Variants in SLC12A5 observed in about 807,000 individuals in gnomAD.
SLC12A5 encodes solute carrier family 12 member 5, also known as K-Cl cotransporter 2.
A neutral mutation model predicts 124.0 loss-of-function variants in SLC12A5; 18 were observed. That is an observed-to-expected ratio of 0.15 (90% CI 0.10 to 0.22). The LOEUF is 0.22. Ranked by LOEUF, SLC12A5 falls within the 10% of genes least tolerant of loss-of-function variation. The probability of loss-of-function intolerance (pLI) is 1.00; values close to 1 mark genes in which losing one functional copy is unlikely to be tolerated. For synonymous variants in SLC12A5, 589 were observed against 568.0 expected (o/e 1.04, Z -0.53); for missense variants, 867 against 1,478.7 (o/e 0.59, Z 6.78).
chr20:46,047,400 C>T, intron 14 of SLC12A5, 54 bp from the exon 15 acceptor site: 1 of 1,595,370 alleles, frequency 6.3e-7, no homozygotes. Flanking sequence ...TAAGTCCCAG[C>T]TTCAGCAACA....
chr20:46,033,326 T>C (rs1246996710), intron 1 of SLC12A5, among the ~76,000 whole-genome samples: 2 of 151,976 alleles, frequency 1.3e-5, no homozygotes, highest in Non-Finnish European at 1.5e-5. Context: ...GCGGGGAGTT[T>C]CTCCAGTGTC....
At chr20:46,030,072 C>T (rs990306013) in intron 1 of SLC12A5, among the ~76,000 whole-genome samples, 5 of 152,062 alleles carry the variant, frequency 3.3e-5, no homozygotes, top group Non-Finnish European at 7.4e-5. Context: ...CAGACTGAAG[C>T]GTACTTCCTC....
Position 46,045,076 on chromosome 20 carries a change from G to T in SLC12A5, c.1505G>T (p.Ser502Ile). The T allele has an allele frequency of 6.2e-7, 1 of 1,613,282 alleles. No homozygotes were observed. Among genetic ancestry groups the T allele is most frequent in the Non-Finnish European group, 8.5e-7 (1 of 1,179,650 alleles). ...TCCACCTGTGGGGCTGGGCTGCAGA[G>T]CCTCACGGGGGCCCCACGCCTGCTG... Reference protein sequence around the residue: ...FFSTCGAGLQSLTGAPRLLQA... With the variant: ...FFSTCGAGLQILTGAPRLLQA... The change falls in exon 12 of 26, where the codon AGC becomes ATC. Residue 502 changes from serine (S) to isoleucine (I), a missense_variant. Transcript: ENST00000243964. This position sits in a 1 kb window ranked among gnomAD's most constrained non-coding sequence, Gnocchi z 4.9.
At chr20:46,049,580 G>T (rs1437936572) in intron 16 of SLC12A5, 42 bp from the exon 17 acceptor site, 1 of 1,569,350 alleles carries the variant, frequency 6.4e-7, no homozygotes, top group South Asian at 1.2e-5. Flanking sequence ...TGGATGGTTG[G>T]TTACATGGTA....
At chr20:46,046,524 C>T in intron 14 of SLC12A5, 88 bp downstream of exon 14, 1 of 1,168,896 alleles carries the variant, frequency 8.6e-7, no homozygotes, top group Non-Finnish European at 1.3e-6. Context: ...CCCTCTGGGT[C>T]TAAGGACCCC....
At chr20:46,022,999 G>A (rs908298747) in exon 2 of SLC12A5, 5 of 403,426 alleles carry the variant, frequency 1.2e-5, no homozygotes, top group Admixed American at 4.5e-5. Context: ...GGAAGAGGAG[G>A]AGGAAGAGGA....
intron 1 of SLC12A5, among the ~76,000 whole-genome samples, chr20:46,030,801 TC>T (rs1464678935): frequency 1.4e-5 from 2 of 144,716 alleles, no homozygotes; most frequent in African/African-American, 2.6e-5. Context: ...TTTGTCTGAC[TC>T]CCCCCCACCC....
rs1169582631 is a variant in SLC12A5, at chr20:46,056,954, C to T, written c.3125+43C>T. 13 of 1,613,742 alleles carry T rather than the reference C, an allele frequency of 8.1e-6. No individual in the cohort carries two copies. The Admixed American group carries it at 2.2e-4, about 27-fold the overall frequency. On this transcript the variant is annotated intron_variant, in intron 24 of 25. Coordinates refer to ENST00000243964, the MANE Select transcript of SLC12A5 (RefSeq NM_020708.5). The surrounding 1 kb of genome is among the most constrained non-coding windows in gnomAD (Gnocchi z 4.3). ...TTTTCATTCTCTCTCCTAGGATGGCCAGGGTCCCTACCCTCCTCACTCTGT... is the reference window on the plus strand; with the variant it reads ...TTTTCATTCTCTCTCCTAGGATGGCTAGGGTCCCTACCCTCCTCACTCTGT...
chr20:46,047,641 G>A, intron 15 of SLC12A5, 68 bp downstream of exon 15: 1 of 1,565,616 alleles, frequency 6.4e-7, no homozygotes, highest in Non-Finnish European at 8.7e-7. Context: ...GAGAGGGAAG[G>A]GGTCATGAGG....
In SLC12A5 at chr20:46,043,150, C is replaced by T. The variant is rs2084562665; in HGVS notation, c.1067-3C>T. The T allele has an allele frequency of 6.2e-7, 1 of 1,613,214 alleles. No individual in the cohort carries two copies. Among genetic ancestry groups the T allele is most frequent in the Admixed American group, 1.7e-5 (1 of 59,962 alleles). ...TCCCCCTGAGCATTCTGTCTCCCCA[C>T]AGAGAACCTCTGGAGCTCCTACCTG... On this transcript the variant is annotated splice_polypyrimidine_tract_variant and splice_region_variant and intron_variant, in intron 8 of 25. Transcript: ENST00000243964.
At position 46,056,098 on chromosome 20, in the gene SLC12A5, G is replaced by C; in HGVS notation, c.2788-52G>C. 6.2e-7 allele frequency: 1 copy of C among 1,608,200 alleles called. No homozygotes were observed. The highest frequency in any genetic ancestry group is 8.5e-7 in the Non-Finnish European group (1 of 1,177,086). On this transcript the variant is annotated intron_variant, in intron 21 of 25. Coordinates refer to ENST00000243964, the MANE Select transcript of SLC12A5 (RefSeq NM_020708.5). This position sits in a 1 kb window ranked among gnomAD's most constrained non-coding sequence, Gnocchi z 4.3. Reference sequence around the variant, plus strand: ...ATCTCTGGTGATAGCTCTTTGCAGGGCATGGGTGGTGACTCCCAGCAGAGC... The same window carrying C: ...ATCTCTGGTGATAGCTCTTTGCAGGCCATGGGTGGTGACTCCCAGCAGAGC...
upstream of SLC12A5, among the ~76,000 whole-genome samples, chr20:46,028,757 C>A (rs1237209336): frequency 6.6e-6 from 1 of 152,166 alleles, no homozygotes; most frequent in East Asian, 1.9e-4. Flanking sequence ...CCATGGCGCA[C>A]CTCCACGGCC....
At chr20:46,023,703 A>G, downstream of SLC12A5, 1 of 349,300 alleles carries the variant, frequency 2.9e-6, no homozygotes, top group Non-Finnish European at 5.1e-6. Flanking sequence ...CCTTTTCCAA[A>G]AACCTTTTCA....
intron 3 of SLC12A5, 88 bp from the exon 4 acceptor site, chr20:46,035,689 G>A (rs1217732659): frequency 1.3e-6 from 2 of 1,513,818 alleles, no homozygotes; most frequent in Non-Finnish European, 1.8e-6. Context: ...GAAGAGGAAG[G>A]TGGGGGCAGA....
Position 46,056,397 on chromosome 20 carries a change from C to G in SLC12A5, c.2943C>G (p.Ser981Arg), listed in dbSNP as rs2084694184. The G allele has an allele frequency of 6.2e-7, 1 of 1,612,798 alleles. No homozygotes were observed. The highest frequency in any genetic ancestry group is 1.3e-5 in the African/African-American group (1 of 75,032). Reference protein sequence around the residue: ...VQLIHDQSAPSCPSSSPSPGE... With the variant: ...VQLIHDQSAPRCPSSSPSPGE... ...TGATCCACGATCAGAGTGCTCCCAG[C>G]TGCCCCAGCAGCTCCCCGTCCCCAG... is the stretch of plus-strand genomic sequence containing the variant. The change falls in exon 23 of 26, where the codon AGC becomes AGG. Residue 981 changes from serine to arginine, a missense_variant. Physicochemically the swap from Ser to Arg is moderately radical, Grantham distance 110 (BLOSUM62 -1). Transcript: ENST00000243964. This position sits in a 1 kb window ranked among gnomAD's most constrained non-coding sequence, Gnocchi z 4.3.
chr20:46,034,915 G>A (rs745873709), intron 1 of SLC12A5, 33 bp from the exon 2 acceptor site: 22 of 1,602,492 alleles, frequency 1.4e-5, no homozygotes, highest in Middle Eastern at 3.3e-4. Flanking sequence ...ACAACTGATT[G>A]GTTCCAGATC....
At position 46,058,130 on chromosome 20, in the gene SLC12A5, G is replaced by A. The variant is rs1254329567; in HGVS notation, c.*525G>A. The A allele has an allele frequency of 2.5e-5, 5 of 201,672 alleles. No homozygotes were observed. The highest frequency in any genetic ancestry group is 4.0e-5 in the Non-Finnish European group (4 of 101,156). 12.5% of individuals were successfully genotyped at this position (201,672 alleles called of 1,614,324 possible). A position where few individuals can be genotyped will look rare whatever the true frequency, so the allele number is the denominator to read the frequency against. ...CGGCCGAGCCTATACATAGTGTACAGGAGACATCGCGTGTATTTTTAACGT... is the reference window on the plus strand; with the variant it reads ...CGGCCGAGCCTATACATAGTGTACAAGAGACATCGCGTGTATTTTTAACGT... On this transcript the variant is annotated 3_prime_UTR_variant, in exon 26 of 26. Coordinates refer to ENST00000243964, the MANE Select transcript of SLC12A5 (RefSeq NM_020708.5). The surrounding 1 kb of genome is among the most constrained non-coding windows in gnomAD (Gnocchi z 5.8).
Position 46,058,932 on chromosome 20 carries a change from C to G in SLC12A5, c.*1327C>G. 1 of 394,128 alleles carries G rather than the reference C, an allele frequency of 2.5e-6. No individual in the cohort carries two copies. Among genetic ancestry groups the G allele is most frequent in the South Asian group, 1.4e-4 (1 of 6,988 alleles). 24.4% of individuals were successfully genotyped at this position (394,128 alleles called of 1,614,324 possible). Reference sequence around the variant, plus strand: ...AGCTCCGTCTCCCGGGGACCTGGGCCTGAGGGAGGGCTGGAGTCGCACGCG... The same window carrying G: ...AGCTCCGTCTCCCGGGGACCTGGGCGTGAGGGAGGGCTGGAGTCGCACGCG... On this transcript the variant is annotated 3_prime_UTR_variant, in exon 26 of 26. Coordinates refer to ENST00000243964, the MANE Select transcript of SLC12A5 (RefSeq NM_020708.5). The surrounding 1 kb of genome is among the most constrained non-coding windows in gnomAD (Gnocchi z 5.8).
Position 46,045,536 on chromosome 20 carries a change from GC to G in SLC12A5, c.1570-341del, listed in dbSNP as rs1280606810. Among the ~76,000 whole-genome samples, 3 of 150,844 alleles carry G rather than the reference GC, an allele frequency of 2.0e-5. No homozygotes were observed. Among genetic ancestry groups the G allele is most frequent in the Admixed American group, 6.6e-5 (1 of 15,146 alleles). On this transcript the variant is annotated intron_variant, in intron 12 of 25. Transcript: ENST00000243964. The surrounding 1 kb of genome is among the most constrained non-coding windows in gnomAD (Gnocchi z 4.9). ...GCAGTCAAAGGGCAAGAAAAGGGTA[GC>G]TTTTACCATGGTGCTAAAAAAAAAA...
Sources: gnomAD v4.1 joint callset for allele counts (sites outside exome capture counted in the v4.1 genomes callset) on GRCh38, gnomAD v4.1.1 for gene constraint, Gnocchi (gnomAD v3.1) non-coding constraint, MANE v1.5 for transcripts, NCBI Gene and HGNC (gene_info 2026-07-23, HGNC 2026-07-21) for gene names.